The following HTR1F variants were observed in gnomAD, a reference collection of about 807,000 sequenced individuals.
HTR1F encodes 5-hydroxytryptamine receptor 1F.
Under a neutral mutation model 24.0 loss-of-function variants are expected in HTR1F, and 17 were observed. That is an observed-to-expected ratio of 0.71 (90% CI 0.48 to 1.06). The LOEUF is 1.06. HTR1F is among the 50% of genes least tolerant of loss of function. The probability of loss-of-function intolerance (pLI) is 0.00; values close to 1 mark genes in which losing one functional copy is unlikely to be tolerated. For synonymous variants in HTR1F, 186 were observed against 156.8 expected (o/e 1.19, Z -1.39); for missense variants, 391 against 427.8 (o/e 0.91, Z 0.76).
At chr3:87,979,984 T>C (rs1421919433) in intron 2 of HTR1F, among the ~76,000 whole-genome samples, 1 of 152,168 alleles carries the variant, frequency 6.6e-6, no homozygotes, top group Non-Finnish European at 1.5e-5. Flanking sequence ...TCAGCCCTGG[T>C]TCAGGGAGCC....
intron 2 of HTR1F, among the ~76,000 whole-genome samples, chr3:87,889,591 C>A (rs541712989): frequency 3.9e-5 from 6 of 152,208 alleles, no homozygotes; most frequent in Non-Finnish European, 8.8e-5. Flanking sequence ...GTTTGAGATG[C>A]TACAAGGAAA....
At chr3:87,952,906 T>G (rs79140874) in intron 2 of HTR1F, among the ~76,000 whole-genome samples, 3,017 of 151,784 alleles carry the variant, frequency 0.02, 101 homozygotes, top group African/African-American at 0.069. Flanking sequence ...CACATAAAAG[T>G]TACCTCATGT....
rs186238692 is a variant in HTR1F at position 87,885,572 on chromosome 3, T to C, written c.-43+63448T>C. ...TCCAGGAGCTGTTTTTTTGAAACAA[T>C]CAACAAAATTGATAGATTGCTAGCA... On this transcript the variant is annotated intron_variant, in intron 2 of 2. Coordinates refer to ENST00000319595, the MANE Select transcript of HTR1F (RefSeq NM_001322209.2). Among the ~76,000 whole-genome samples, 413 of 150,398 alleles carry C rather than the reference T, an allele frequency of 2.7e-3. 7 individuals are homozygous for C. Among genetic ancestry groups the C allele is most frequent in the Admixed American group, 0.023 (345 of 15,154 alleles).
chr3:87,811,647 C>T (rs1014263743), intron 1 of HTR1F, among the ~76,000 whole-genome samples: 33 of 152,092 alleles, frequency 2.2e-4, no homozygotes, highest in African/African-American at 8.0e-4. Flanking sequence ...AGGAAAAGCC[C>T]TGATTCATGA....
intron 2 of HTR1F, among the ~76,000 whole-genome samples, chr3:87,960,557 A>G (rs1705038674): frequency 6.6e-6 from 1 of 151,990 alleles, no homozygotes; most frequent in South Asian, 2.1e-4. Context: ...TTATGTGACA[A>G]TAAACAAATA....
intron 2 of HTR1F, among the ~76,000 whole-genome samples, chr3:87,990,295 T>C (rs556657611): frequency 6.6e-6 from 1 of 152,316 alleles, no homozygotes; most frequent in East Asian, 1.9e-4. Context: ...CTATCAGCTT[T>C]GAATATATAA....
rs117062334 is a variant in HTR1F, at chr3:87,881,434, G to C, written c.-43+59310G>C. Among the ~76,000 whole-genome samples, 192 of 152,232 alleles carry C rather than the reference G, an allele frequency of 1.3e-3. 4 individuals carry two copies. The East Asian group carries it at 0.028, about 22-fold the overall frequency. The stretch of plus-strand genomic sequence containing the variant: ...GTAAACAAAGCAGCCTGGGAAGCTC[G>C]AACCAGGCAGAGCCCACTGCAGCTC... On this transcript the variant is annotated intron_variant, in intron 2 of 2. Transcript: ENST00000319595.
At chr3:87,967,001 C>G (rs983215283) in intron 2 of HTR1F, among the ~76,000 whole-genome samples, 19 of 152,082 alleles carry the variant, frequency 1.2e-4, no homozygotes, top group African/African-American at 4.6e-4. Flanking sequence ...ATGAAATTTG[C>G]TTACAGAATT....
chr3:87,984,441 GT>G (rs1294175169), intron 2 of HTR1F, among the ~76,000 whole-genome samples: 1 of 119,466 alleles, frequency 8.4e-6, no homozygotes, highest in East Asian at 2.7e-4. Context: ...TAGGAAAGAG[GT>G]TTTTTTGTTT....
At chr3:87,823,948 T>C (rs572441131) in intron 2 of HTR1F, among the ~76,000 whole-genome samples, 1 of 151,496 alleles carries the variant, frequency 6.6e-6, no homozygotes, top group African/African-American at 2.4e-5. Flanking sequence ...TCCCAGCTAC[T>C]CGGGAGGCTG....
chr3:87,990,598 A>AT, intron 2 of HTR1F, 110 bp from the exon 3 acceptor site: 1 of 590,920 alleles, frequency 1.7e-6, no homozygotes, highest in Non-Finnish European at 2.9e-6. Flanking sequence ...TTTTTAATCT[A>AT]TAGAATATTC....
At chr3:87,984,517 G>A (rs995094974) in intron 2 of HTR1F, among the ~76,000 whole-genome samples, 23 of 151,958 alleles carry the variant, frequency 1.5e-4, no homozygotes, top group Admixed American at 9.8e-4. Context: ...AAGCTGGAGC[G>A]CATGGCATGA....
At chr3:87,929,311 G>A (rs1239277648) in intron 2 of HTR1F, among the ~76,000 whole-genome samples, 1 of 152,064 alleles carries the variant, frequency 6.6e-6, no homozygotes, top group African/African-American at 2.4e-5. Flanking sequence ...GCCTCTTTCC[G>A]TTGCTGGCTC....
At chr3:87,986,965 G>T (rs1283804486) in intron 2 of HTR1F, among the ~76,000 whole-genome samples, 3 of 152,040 alleles carry the variant, frequency 2.0e-5, no homozygotes, top group Admixed American at 1.3e-4. Context: ...AATTAGCCGG[G>T]TGTGGTGACA....
At chr3:87,844,189 G>C (rs1575935071) in intron 2 of HTR1F, among the ~76,000 whole-genome samples, 1 of 151,882 alleles carries the variant, frequency 6.6e-6, no homozygotes, top group Admixed American at 6.5e-5. Context: ...TCCATCAGCT[G>C]TTGTTTCCTG....
intron 1 of HTR1F, among the ~76,000 whole-genome samples, chr3:87,797,296 A>G (rs916861619): frequency 6.6e-6 from 1 of 152,198 alleles, no homozygotes; most frequent in African/African-American, 2.4e-5. Context: ...TGCCTAATAG[A>G]TAACTAGGAA....
intron 2 of HTR1F, among the ~76,000 whole-genome samples, chr3:87,916,522 A>G (rs1703898615): frequency 6.6e-6 from 1 of 152,106 alleles, no homozygotes; most frequent in Non-Finnish European, 1.5e-5. Flanking sequence ...ATCTTAAAGT[A>G]AAGGGGTGGA....
intron 1 of HTR1F, among the ~76,000 whole-genome samples, chr3:87,821,396 CTA>C (rs1704357190): frequency 6.6e-6 from 1 of 152,102 alleles, no homozygotes; most frequent in African/African-American, 2.4e-5. Context: ...GAAACTGAGC[CTA>C]TCTTATACAT....
At chr3:87,935,755 TA>T (rs902717512) in intron 2 of HTR1F, among the ~76,000 whole-genome samples, 1 of 152,146 alleles carries the variant, frequency 6.6e-6, no homozygotes, top group African/African-American at 2.4e-5. Flanking sequence ...ATCTCTGTGT[TA>T]GAAGTTTATT....
Sources: allele counts gnomAD v4.1 joint callset (sites outside exome capture counted in the v4.1 genomes callset), GRCh38; gene constraint gnomAD v4.1.1; transcripts MANE v1.5; gene names NCBI Gene and HGNC (gene_info 2026-07-23, HGNC 2026-07-21).